Variants in DLGAP1 observed in about 807,000 individuals in gnomAD.
DLGAP1 encodes DLG associated protein 1, also known as disks large-associated protein 1.
DLGAP1 carries 11 observed loss-of-function variants against 90.8 expected under a neutral mutation model. The observed-to-expected ratio is 0.12, with a 90% confidence interval of 0.08 to 0.20. The LOEUF is 0.20. DLGAP1 is among the 10% of genes least tolerant of loss of function. The pLI is 1.00. For synonymous variants in DLGAP1, 558 were observed against 540.7 expected (o/e 1.03, Z -0.44); for missense variants, 1,050 against 1,333.8 (o/e 0.79, Z 3.31).
chr18:3,783,155 T>A (rs2065276035), intron 5 of DLGAP1, among the ~76,000 whole-genome samples: 1 of 152,124 alleles, frequency 6.6e-6, no homozygotes. Context: ...GATAAGAATA[T>A]GTTGTCCAGG....
chr18:3,921,360 G>A (rs978903835), intron 3 of DLGAP1, among the ~76,000 whole-genome samples: 7 of 152,152 alleles, frequency 4.6e-5, no homozygotes, highest in African/African-American at 1.7e-4. Flanking sequence ...GAGCATGATG[G>A]TAAAATCACC....
At chr18:3,761,765 G>A (rs1358431366) in intron 5 of DLGAP1, among the ~76,000 whole-genome samples, 2 of 151,932 alleles carry the variant, frequency 1.3e-5, no homozygotes, top group Admixed American at 6.6e-5. Context: ...TAGTAGAGAC[G>A]GGGTTTCACC....
chr18:4,053,499 G>A (rs2075166709), intron 2 of DLGAP1, among the ~76,000 whole-genome samples: 1 of 152,160 alleles, frequency 6.6e-6, no homozygotes, highest in Admixed American at 6.5e-5. Flanking sequence ...AGATTTGGGT[G>A]GGGACACAGC....
At chr18:3,733,865 T>C (rs1351675253) in intron 6 of DLGAP1, among the ~76,000 whole-genome samples, 46 of 152,248 alleles carry the variant, frequency 3.0e-4, no homozygotes, top group Non-Finnish European at 1.5e-4. Flanking sequence ...TCTTCCAGCA[T>C]AAACCATTCC....
intron 8 of DLGAP1, among the ~76,000 whole-genome samples, chr18:3,574,127 A>G (rs1473202001): frequency 6.6e-6 from 1 of 152,194 alleles, no homozygotes; most frequent in African/African-American, 2.4e-5. Context: ...GTTTTTCGAA[A>G]GGTCATATAC....
At chr18:4,016,650 G>C (rs1245868450) in intron 2 of DLGAP1, among the ~76,000 whole-genome samples, 3 of 148,976 alleles carry the variant, frequency 2.0e-5, no homozygotes, top group Non-Finnish European at 4.5e-5. Context: ...CAAGACCTGC[G>C]TAAGTGTTCC....
chr18:3,917,390 C>T (rs9963911), intron 3 of DLGAP1, among the ~76,000 whole-genome samples: 133 of 152,322 alleles, frequency 8.7e-4, no homozygotes, highest in African/African-American at 3.1e-3. Flanking sequence ...AAAGGGAAAG[C>T]ACTGGACGTG....
Position 3,841,614 on chromosome 18 carries a change from C to T in DLGAP1, c.958-27341G>A, listed in dbSNP as rs145330898. 5.2e-3 allele frequency among the ~76,000 whole-genome samples: 793 copies of T among 152,290 alleles called. 9 individuals are homozygous for T. The highest frequency in any genetic ancestry group is 0.018 in the African/African-American group (754 of 41,552). ...CCCATTCCTTAATATCAGCATCATA[C>T]ATGACAACTTGAGCCTCAGTTCTTT... On this transcript the variant is annotated intron_variant, in intron 4 of 12. Coordinates refer to ENST00000315677, the MANE Select transcript of DLGAP1 (RefSeq NM_004746.4).
At chr18:3,892,105 C>G (rs561853487) in intron 3 of DLGAP1, 1 of 139,804 alleles carries the variant, frequency 7.2e-6, no homozygotes, top group Non-Finnish European at 1.5e-5. Context: ...CTGTTCTTAT[C>G]ACCTCTAAAA....
chr18:3,698,556 C>T (rs965868878), intron 7 of DLGAP1, among the ~76,000 whole-genome samples: 2 of 150,890 alleles, frequency 1.3e-5, no homozygotes, highest in African/African-American at 5.0e-5. Context: ...GAGAGATCTG[C>T]TGTTAGTCTG....
intron 1 of DLGAP1, among the ~76,000 whole-genome samples, chr18:4,308,540 G>A (rs1161102414): frequency 1.3e-5 from 2 of 152,134 alleles, no homozygotes; most frequent in African/African-American, 2.4e-5. Flanking sequence ...TGTACCATAC[G>A]TATAACTTTA....
chr18:4,099,190 A>G (rs73384766), intron 2 of DLGAP1, among the ~76,000 whole-genome samples: 10,482 of 152,106 alleles, frequency 0.069, 788 homozygotes, highest in African/African-American at 0.18. Flanking sequence ...CCATTATATT[A>G]TTTCTACACC....
At chr18:3,622,928 C>T (rs1482321244) in intron 7 of DLGAP1, among the ~76,000 whole-genome samples, 2 of 152,124 alleles carry the variant, frequency 1.3e-5, no homozygotes, top group Non-Finnish European at 2.9e-5. Flanking sequence ...CCTCAGCCTC[C>T]CCAGTAGATG....
At chr18:3,535,092 G>GTC (rs1428531096) in intron 9 of DLGAP1, among the ~76,000 whole-genome samples, 1 of 151,740 alleles carries the variant, frequency 6.6e-6, no homozygotes, top group Non-Finnish European at 1.5e-5. Flanking sequence ...GTGTGTGTGT[G>GTC]TGTGTGTGTG....
At chr18:3,851,393 T>G (rs79261048) in intron 4 of DLGAP1, among the ~76,000 whole-genome samples, 2,569 of 152,272 alleles carry the variant, frequency 0.017, 66 homozygotes, top group African/African-American at 0.059. Flanking sequence ...GAACTAGGTT[T>G]GGTTCTGAGT....
At chr18:3,508,424 C>A in intron 11 of DLGAP1, 146 bp downstream of exon 11, 1 of 410,250 alleles carries the variant, frequency 2.4e-6, no homozygotes, top group Non-Finnish European at 4.3e-6. Flanking sequence ...AAATAAGATT[C>A]ATCAGAAAAT....
chr18:3,639,359 G>GAGAAAAGAAAAGAAAAA (rs2058838078), intron 7 of DLGAP1, among the ~76,000 whole-genome samples: 1 of 136,552 alleles, frequency 7.3e-6, no homozygotes, highest in African/African-American at 3.0e-5. Flanking sequence ...ATCTCAAAAA[G>GAGAAAAGAAAAGAAAAA]AGAAAAGAAA....
intron 8 of DLGAP1, among the ~76,000 whole-genome samples, chr18:3,578,401 G>C (rs557847801): frequency 6.6e-6 from 1 of 151,016 alleles, no homozygotes; most frequent in African/African-American, 2.4e-5. Context: ...TCTGTCGCCA[G>C]GCTGGAGTGC....
At chr18:3,604,532 A>C (rs935558661) in intron 7 of DLGAP1, 4 of 151,998 alleles carry the variant, frequency 2.6e-5, no homozygotes, top group Admixed American at 6.6e-5. Context: ...CTTATTTTTC[A>C]CTTAAGGTTC....
Sources: allele counts gnomAD v4.1 joint callset (sites outside exome capture counted in the v4.1 genomes callset), GRCh38; gene constraint gnomAD v4.1.1; transcripts MANE v1.5; gene names NCBI Gene and HGNC (gene_info 2026-07-23, HGNC 2026-07-21).